Variants in KHDRBS2 observed in about 807,000 individuals in gnomAD.
The protein encoded by KHDRBS2 is KH RNA binding domain containing, signal transduction associated 2, also known as KH domain-containing, RNA-binding, signal transduction-associated protein 2.
A neutral mutation model predicts 44.3 loss-of-function variants in KHDRBS2; 26 were observed. The ratio of observed to expected loss-of-function variants is 0.59; its 90% confidence interval spans 0.43 to 0.81. The LOEUF is 0.81. Ranked by LOEUF, KHDRBS2 falls within the 40% of genes least tolerant of loss-of-function variation. The pLI, the probability that KHDRBS2 is intolerant of heterozygous loss-of-function variation, is 0.00. For synonymous variants in KHDRBS2, 194 were observed against 151.1 expected, an observed-to-expected ratio of 1.28 and a Z score of -2.08; for missense variants, 476 against 433.1, an observed-to-expected ratio of 1.10 and a Z score of -0.88.
intron 2 of KHDRBS2, among the ~76,000 whole-genome samples, chr6:62,091,250 A>G (rs769806522): frequency 1.3e-5 from 2 of 151,000 alleles, no homozygotes; most frequent in African/African-American, 2.4e-5. Flanking sequence ...GAGTCCATAC[A>G]TGTAGCTGCT....
chr6:61,814,177 T>C (rs576230215), intron 6 of KHDRBS2, among the ~76,000 whole-genome samples: 2 of 152,360 alleles, frequency 1.3e-5, no homozygotes, highest in African/African-American at 4.8e-5. Context: ...TTCTTCAGGA[T>C]GGAATGGTGT....
chr6:61,591,088 A>G, the KHDRBS2 span, among the ~76,000 whole-genome samples: 1 of 152,174 alleles, frequency 6.6e-6, no homozygotes, highest in Non-Finnish European at 1.5e-5. Context: ...GCAGGATGAG[A>G]ATGAAATCAC....
chr6:61,949,937 A>T (rs945866481), intron 4 of KHDRBS2, among the ~76,000 whole-genome samples: 1 of 152,082 alleles, frequency 6.6e-6, no homozygotes, highest in Admixed American at 6.6e-5. Context: ...TGAAAATGAA[A>T]TTTTTTATTG....
chr6:62,250,155 T>C (rs531151953), intron 1 of KHDRBS2, among the ~76,000 whole-genome samples: 155 of 152,200 alleles, frequency 1.0e-3, no homozygotes, highest in African/African-American at 3.7e-3. Context: ...CTGACTCTCC[T>C]GACAAATGAA....
intron 2 of KHDRBS2, among the ~76,000 whole-genome samples, chr6:62,175,133 G>A (rs1179627497): frequency 1.3e-5 from 2 of 151,594 alleles, no homozygotes; most frequent in African/African-American, 4.8e-5. Context: ...ACCAGAACAA[G>A]GTAGGTCAAC....
intron 7 of KHDRBS2, among the ~76,000 whole-genome samples, chr6:61,720,347 T>C (rs367659184): frequency 1.6e-4 from 25 of 151,986 alleles, no homozygotes; most frequent in South Asian, 6.2e-4. Context: ...CCTGAGGAAT[T>C]GCCACACTGA....
chr6:62,069,467 TATC>T (rs1411331756), intron 2 of KHDRBS2, among the ~76,000 whole-genome samples: 1 of 151,750 alleles, frequency 6.6e-6, no homozygotes, highest in Non-Finnish European at 1.5e-5. Flanking sequence ...TTTCTTGTAA[TATC>T]ATGACTTTGC....
intron 7 of KHDRBS2, among the ~76,000 whole-genome samples, chr6:61,719,761 T>A (rs1437733410): frequency 1.3e-5 from 2 of 151,984 alleles, no homozygotes; most frequent in East Asian, 3.9e-4. Context: ...TCCTATGGAC[T>A]CTTTTTTTTA....
chr6:61,927,370 T>C (rs1809175358), intron 4 of KHDRBS2, among the ~76,000 whole-genome samples: 1 of 152,152 alleles, frequency 6.6e-6, no homozygotes, highest in Admixed American at 6.6e-5. Context: ...AAAATCTAAA[T>C]GACAAATTAT....
intron 4 of KHDRBS2, among the ~76,000 whole-genome samples, chr6:61,964,373 GGCTTATAAAGTATAATCCA>G (rs1769437903): frequency 6.6e-6 from 1 of 151,882 alleles, no homozygotes; most frequent in Non-Finnish European, 1.5e-5. Flanking sequence ...GGCAGCATGG[GGCTTATAAAGTATAATCCA>G]GCTTTGATTT....
At chr6:61,812,632 T>C (rs1208917636) in intron 6 of KHDRBS2, among the ~76,000 whole-genome samples, 2 of 152,110 alleles carry the variant, frequency 1.3e-5, no homozygotes, top group Non-Finnish European at 2.9e-5. Flanking sequence ...TTAAGGAAAC[T>C]GTAACATCAG....
At chr6:61,695,725 C>T (rs1323381283) in intron 8 of KHDRBS2, among the ~76,000 whole-genome samples, 1 of 152,094 alleles carries the variant, frequency 6.6e-6, no homozygotes, top group Non-Finnish European at 1.5e-5. Context: ...TGTAACTAAT[C>T]AGCCCATGGT....
intron 6 of KHDRBS2, among the ~76,000 whole-genome samples, chr6:61,873,756 A>C (rs1798998751): frequency 6.6e-6 from 1 of 152,094 alleles, no homozygotes; most frequent in South Asian, 2.1e-4. Context: ...AATAAACCTT[A>C]AAACTTAAAA....
chr6:61,607,519 G>GAA, the KHDRBS2 span, among the ~76,000 whole-genome samples: 22 of 23,322 alleles, frequency 9.4e-4, 2 homozygotes, highest in South Asian at 2.3e-3. Flanking sequence ...TGAGTTCCAA[G>GAA]CAAAAAAAAA....
At chr6:62,025,814 AGCTTTTGCTTATTATTTCACTGTT>A (rs1167674793) in intron 3 of KHDRBS2, among the ~76,000 whole-genome samples, 3 of 152,024 alleles carry the variant, frequency 2.0e-5, no homozygotes, top group Admixed American at 1.3e-4. Flanking sequence ...ATGACAGTCC[AGCTTTTGCTTATTATTTCACTGTT>A]GCATTGTTAA....
intron 1 of KHDRBS2, among the ~76,000 whole-genome samples, chr6:62,181,523 T>C (rs919871386): frequency 2.2e-4 from 33 of 151,952 alleles, no homozygotes; most frequent in African/African-American, 7.2e-4. Context: ...AGGATGGCTA[T>C]TATTGAAAAA....
At chr6:61,906,001 C>T (rs1222515441) in intron 4 of KHDRBS2, among the ~76,000 whole-genome samples, 1 of 151,722 alleles carries the variant, frequency 6.6e-6, no homozygotes, top group Non-Finnish European at 1.5e-5. Context: ...GTGCCCACCA[C>T]CACGCCTGGG....
chr6:61,567,160 G>T, the KHDRBS2 span, among the ~76,000 whole-genome samples: 1 of 152,162 alleles, frequency 6.6e-6, no homozygotes, highest in African/African-American at 2.4e-5. Context: ...CATTTCAAAA[G>T]GATGGATCCC....
At chr6:61,751,719 A>G (rs1485615401) in intron 6 of KHDRBS2, among the ~76,000 whole-genome samples, 2 of 152,164 alleles carry the variant, frequency 1.3e-5, no homozygotes, top group Non-Finnish European at 2.9e-5. Flanking sequence ...AAGCTAGAGA[A>G]AGTATTAATT....
Sources: allele counts gnomAD v4.1 joint callset (sites outside exome capture counted in the v4.1 genomes callset), GRCh38; gene constraint gnomAD v4.1.1; transcripts MANE v1.5; gene names NCBI Gene and HGNC (gene_info 2026-07-23, HGNC 2026-07-21).